MTUS2: variants seen among roughly 807,000 people sequenced by gnomAD.
MTUS2 encodes microtubule-associated tumor suppressor candidate 2.
A neutral mutation model predicts 114.1 loss-of-function variants in MTUS2; 40 were observed. The ratio of observed to expected loss-of-function variants is 0.35; its 90% CI spans 0.27 to 0.46. The LOEUF (loss-of-function observed/expected upper bound fraction) is 0.46, where lower values mean the gene tolerates loss of function less well. Ranked by LOEUF, MTUS2 falls within the 20% of genes least tolerant of loss-of-function variation. The pLI is 1.00. For missense variants in MTUS2, 1,679 were observed against 1,705.4 expected, an observed-to-expected ratio of 0.98 and a Z score of 0.27; for synonymous variants, 688 against 672.0, an observed-to-expected ratio of 1.02 and a Z score of -0.37.
chr13:29,005,727 C>T (rs887513527), intron 2 of MTUS2, among the ~76,000 whole-genome samples: 1 of 152,120 alleles, frequency 6.6e-6, no homozygotes, highest in African/African-American at 2.4e-5. Context: ...AGTAATGATA[C>T]GAATATCTTG....
intron 5 of MTUS2, among the ~76,000 whole-genome samples, chr13:29,219,128 C>T: frequency 8.3e-6 from 1 of 120,798 alleles, no homozygotes; most frequent in South Asian, 3.4e-4. Context: ...CCCCCTCCCC[C>T]CACCCCACCA....
At chr13:29,292,028 T>C (rs1229660413) in intron 6 of MTUS2, among the ~76,000 whole-genome samples, 1 of 152,228 alleles carries the variant, frequency 6.6e-6, no homozygotes, top group Non-Finnish European at 1.5e-5. Flanking sequence ...TAGTTTCACA[T>C]TACCTTGTTC....
chr13:28,963,461 A>G (rs1402754034), intron 2 of MTUS2, among the ~76,000 whole-genome samples: 7 of 152,258 alleles, frequency 4.6e-5, no homozygotes, highest in African/African-American at 7.2e-5. Flanking sequence ...CCAGATACCC[A>G]CTTTCTTTCC....
At chr13:28,826,679 T>TA (rs1464315349) in intron 1 of MTUS2, among the ~76,000 whole-genome samples, 1 of 152,246 alleles carries the variant, frequency 6.6e-6, no homozygotes, top group Non-Finnish European at 1.5e-5. Flanking sequence ...CATTAGCGTC[T>TA]ATGAAGACTG....
intron 2 of MTUS2, among the ~76,000 whole-genome samples, chr13:28,995,383 G>T (rs1024998956): frequency 1.4e-4 from 21 of 152,254 alleles, no homozygotes; most frequent in African/African-American, 4.8e-4. Context: ...GGCAATGAGG[G>T]CTCTTTTTTG....
At chr13:29,355,904 T>TA (rs1295312074) in intron 7 of MTUS2, among the ~76,000 whole-genome samples, 1 of 152,188 alleles carries the variant, frequency 6.6e-6, no homozygotes, top group Non-Finnish European at 1.5e-5. Context: ...AATCCATTGA[T>TA]AAGCCCTGTG....
Position 29,480,079 on chromosome 13 carries a change from C to T in MTUS2, c.3185-71C>T, listed in dbSNP as rs1429625660. On this transcript the variant is annotated intron_variant, in intron 9 of 15. Coordinates refer to ENST00000612955, the MANE Select transcript of MTUS2 (RefSeq NM_001033602.4). The surrounding 1 kb of genome is among the most constrained non-coding windows in gnomAD (Gnocchi z 4.4). ...ATTACGCCAGCCTTGATGATCTGAC[C>T]ATGGAGGCTGAGTCCTTCCCATGCC... The T allele has an allele frequency of 6.9e-7, 1 of 1,455,154 alleles. No homozygotes were observed. Among genetic ancestry groups the T allele is most frequent in the Non-Finnish European group, 9.4e-7 (1 of 1,065,584 alleles). The allele number at this position is 1,455,154 out of a possible 1,614,324, so 90.1% of individuals were successfully genotyped here.
chr13:29,438,289 A>T (rs1235559043), intron 8 of MTUS2, among the ~76,000 whole-genome samples: 1 of 152,194 alleles, frequency 6.6e-6, no homozygotes, highest in Non-Finnish European at 1.5e-5. Context: ...ATGGGCTGGG[A>T]TGGAAGGAGA....
intron 2 of MTUS2, among the ~76,000 whole-genome samples, chr13:28,935,006 G>GTTTTTTT (rs775863792): frequency 7.2e-5 from 3 of 41,446 alleles, no homozygotes; most frequent in African/African-American, 2.5e-4. Flanking sequence ...TCTCCATAGC[G>GTTTTTTT]TTTTTTTTTT....
intron 2 of MTUS2, among the ~76,000 whole-genome samples, chr13:28,856,683 C>G (rs1876649616): frequency 6.6e-6 from 1 of 152,154 alleles, no homozygotes; most frequent in Non-Finnish European, 1.5e-5. Flanking sequence ...TACGGAATAT[C>G]AAGTTGTGCA....
At chr13:29,397,146 C>G (rs1178694122) in intron 8 of MTUS2, among the ~76,000 whole-genome samples, 1 of 152,164 alleles carries the variant, frequency 6.6e-6, no homozygotes, top group Admixed American at 6.5e-5. Context: ...ACAACTGACC[C>G]TCCAATCCTT....
chr13:28,994,076 G>A (rs556936905), intron 2 of MTUS2, among the ~76,000 whole-genome samples: 4 of 151,982 alleles, frequency 2.6e-5, no homozygotes, highest in Admixed American at 6.5e-5. Context: ...AACAGTCGCC[G>A]GTGTGTGATG....
chr13:28,940,185 C>G (rs905480363), intron 2 of MTUS2, among the ~76,000 whole-genome samples: 1 of 152,124 alleles, frequency 6.6e-6, no homozygotes, highest in African/African-American at 2.4e-5. Flanking sequence ...CACAGCAGTG[C>G]TTAACCACAG....
At chr13:28,910,971 G>T (rs1378070172) in intron 2 of MTUS2, among the ~76,000 whole-genome samples, 1 of 128,476 alleles carries the variant, frequency 7.8e-6, no homozygotes, top group East Asian at 2.4e-4. Flanking sequence ...TGCCTCCCAG[G>T]TTCACACCAT....
intron 5 of MTUS2, among the ~76,000 whole-genome samples, chr13:29,118,566 T>C (rs1891181849): frequency 6.6e-6 from 1 of 152,178 alleles, no homozygotes; most frequent in South Asian, 2.1e-4. Flanking sequence ...CTCTGCTGAG[T>C]GCTCGTGGGA....
At chr13:29,063,955 G>A (rs919555918) in intron 4 of MTUS2, among the ~76,000 whole-genome samples, 4 of 152,226 alleles carry the variant, frequency 2.6e-5, no homozygotes, top group Admixed American at 6.5e-5. Context: ...TCAGACAGCA[G>A]GAGGGGCTTC....
At chr13:29,466,382 G>C (rs1245626748) in intron 9 of MTUS2, among the ~76,000 whole-genome samples, 1 of 152,152 alleles carries the variant, frequency 6.6e-6, no homozygotes, top group Non-Finnish European at 1.5e-5. Flanking sequence ...ATGCCTAAAA[G>C]TTCCTGGGTG....
chr13:29,353,894 C>T (rs1593339754), intron 7 of MTUS2, among the ~76,000 whole-genome samples: 1 of 152,164 alleles, frequency 6.6e-6, no homozygotes, highest in Admixed American at 6.5e-5. Context: ...CTGAGATCCT[C>T]TCTCCACAGG....
At chr13:29,421,877 AG>A (rs1259206836) in intron 8 of MTUS2, among the ~76,000 whole-genome samples, 1 of 152,224 alleles carries the variant, frequency 6.6e-6, no homozygotes, top group Non-Finnish European at 1.5e-5. Context: ...GACGGAGGGC[AG>A]GGGAGGGAAA....
Sources: gnomAD v4.1 joint callset for allele counts (sites outside exome capture counted in the v4.1 genomes callset) on GRCh38, gnomAD v4.1.1 for gene constraint, Gnocchi (gnomAD v3.1) non-coding constraint, MANE v1.5 for transcripts, NCBI Gene and HGNC (gene_info 2026-07-23, HGNC 2026-07-21) for gene names.